Variants in PGS1 observed in about 807,000 individuals in gnomAD.
The protein encoded by PGS1 is CDP-diacylglycerol--glycerol-3-phosphate 3-phosphatidyltransferase, mitochondrial.
Under a neutral mutation model 58.3 loss-of-function variants are expected in PGS1, and 44 were observed. The observed-to-expected ratio is 0.75, with a 90% CI of 0.59 to 0.97. PGS1 has a LOEUF of 0.97. Ranked by LOEUF, PGS1 falls within the 50% of genes least tolerant of loss-of-function variation. The probability of loss-of-function intolerance (pLI) is 0.00; values close to 1 mark genes in which losing one functional copy is unlikely to be tolerated. For synonymous variants in PGS1, 330 were observed against 311.0 expected, an observed-to-expected ratio of 1.06 and a Z score of -0.64; for missense variants, 684 against 731.1, an observed-to-expected ratio of 0.94 and a Z score of 0.74.
At chr17:78,379,186 G>A (rs901362568) in intron 1 of PGS1, among the ~76,000 whole-genome samples, 1 of 152,202 alleles carries the variant, frequency 6.6e-6, no homozygotes, top group African/African-American at 2.4e-5. Flanking sequence ...TTTATATCAT[G>A]GTTTCGGCCC....
At chr17:78,388,937 A>C (rs1007786562) in intron 1 of PGS1, among the ~76,000 whole-genome samples, 3 of 150,394 alleles carry the variant, frequency 2.0e-5, no homozygotes, top group African/African-American at 7.4e-5. Context: ...CTTCATTTGT[A>C]CCCTCCATGG....
At chr17:78,402,358 C>T (rs1247222145) in intron 6 of PGS1, among the ~76,000 whole-genome samples, 1 of 152,038 alleles carries the variant, frequency 6.6e-6, no homozygotes, top group Non-Finnish European at 1.5e-5. Context: ...AGTTGATATT[C>T]TCCATTTTTG....
intron 7 of PGS1, among the ~76,000 whole-genome samples, chr17:78,414,292 G>A (rs116503900): frequency 1.6e-3 from 240 of 152,330 alleles, no homozygotes; most frequent in African/African-American, 5.5e-3. Flanking sequence ...GCCACCCCGC[G>A]TGACAACCCC....
Position 78,399,484 on chromosome 17 carries a change from C to T in PGS1, c.648C>T (p.Ile216=), listed in dbSNP as rs553460700. The T allele has an allele frequency of 9.3e-6, 15 of 1,614,196 alleles. No homozygotes were observed. The South Asian group carries it at 9.9e-5, about 11-fold the overall frequency. Residue 216 remains isoleucine, a synonymous_variant, in exon 5 of 10, where the codon ATC becomes ATT. Coordinates refer to ENST00000262764, the MANE Select transcript of PGS1 (RefSeq NM_024419.5). ...LLIPERFNET[I]GLQHIKVYLF... is the part of the protein sequence containing the mutation. ...TCCCTGAGCGCTTCAACGAGACCAT[C>T]GGCCTCCAGCACATTAAGGTGTACC...
intron 2 of PGS1, among the ~76,000 whole-genome samples, chr17:78,394,010 C>G (rs2083025768): frequency 6.6e-6 from 1 of 151,550 alleles, no homozygotes; most frequent in Non-Finnish European, 1.5e-5. Flanking sequence ...GTGGTGAAAC[C>G]CTGTCTCTAC....
chr17:78,399,677 C>T, intron 5 of PGS1, 140 bp downstream of exon 5: 1 of 744,752 alleles, frequency 1.3e-6, no homozygotes, highest in Non-Finnish European at 2.2e-6. Flanking sequence ...CCCGCGGCAC[C>T]TCCCCGACAC....
chr17:78,423,548 A>AGG lies in PGS1; in HGVS notation c.*11-513_*11-512insGG, dbSNP rs1401334429. Reference sequence around the variant, plus strand: ...TCACCCCACATGCTGCTCCTGTTAAAAGCAAACTCCACTGACCCCCCCGGG... The same window carrying AGG: ...TCACCCCACATGCTGCTCCTGTTAAAGGAGCAAACTCCACTGACCCCCCCGGG... On this transcript the variant is annotated intron_variant, in intron 9 of 9. Transcript: ENST00000262764. 22 of 279,190 alleles carry AGG rather than the reference A, an allele frequency of 7.9e-5. No homozygotes were observed. The East Asian group carries it at 1.2e-3, about 15-fold the overall frequency. 17.3% of individuals were successfully genotyped at this position (279,190 alleles called of 1,614,324 possible).
chr17:78,393,298 G>A (rs933126504), intron 2 of PGS1, among the ~76,000 whole-genome samples: 2 of 152,134 alleles, frequency 1.3e-5, no homozygotes, highest in Admixed American at 6.6e-5. Context: ...CTGACCTCGT[G>A]ATCCACCCGC....
At chr17:78,393,765 C>T (rs190621012) in intron 2 of PGS1, among the ~76,000 whole-genome samples, 92 of 152,272 alleles carry the variant, frequency 6.0e-4, no homozygotes, top group African/African-American at 2.1e-3. Context: ...CAGCTTTCAA[C>T]ATGTTACTCA....
chr17:78,390,872 CCAGAAATGGT>C (rs2146123532), intron 1 of PGS1, among the ~76,000 whole-genome samples: 1 of 152,256 alleles, frequency 6.6e-6, no homozygotes, highest in African/African-American at 2.4e-5. Flanking sequence ...CTAACACTGG[CCAGAAATGGT>C]GTGTGACCCC....
At chr17:78,381,848 C>T (rs900142538) in intron 1 of PGS1, among the ~76,000 whole-genome samples, 2 of 152,172 alleles carry the variant, frequency 1.3e-5, no homozygotes, top group African/African-American at 4.8e-5. Context: ...TCCTCTTAAG[C>T]TAGCATCTGA....
At chr17:78,382,242 G>A (rs2082083580) in intron 1 of PGS1, among the ~76,000 whole-genome samples, 1 of 152,182 alleles carries the variant, frequency 6.6e-6, no homozygotes, top group Admixed American at 6.5e-5. Flanking sequence ...GATGGAGGGA[G>A]GGAAGAAGAG....
chr17:78,420,291 A>C (rs188934683), intron 9 of PGS1: 53 of 923,368 alleles, frequency 5.7e-5, no homozygotes, highest in Non-Finnish European at 6.6e-5. Context: ...CCGCTTCACC[A>C]GAGGCACCAG....
rs1567955367 is a variant in PGS1 at position 78,394,173 on chromosome 17, C to CAAAAAAAA, written c.333+1527_333+1534dup. Among the ~76,000 whole-genome samples, 6 of 38,510 alleles carry CAAAAAAAA rather than the reference C, an allele frequency of 1.6e-4. 2 individuals are homozygous for CAAAAAAAA. The highest frequency in any genetic ancestry group is 2.3e-4 in the Non-Finnish European group (4 of 17,240). The allele number at this position is 38,510 out of a possible 152,430, so 25.3% of individuals were successfully genotyped here. ...GGCAACAGAGCGAGACTCTATCTCC[C>CAAAAAAAA]AAAAAAAAAAAAAAAAAAAAAAAAA... is the stretch of plus-strand genomic sequence containing the variant. On this transcript the variant is annotated intron_variant, in intron 2 of 9. Transcript: ENST00000262764.
At chr17:78,392,084 G>C (rs2082876940) in intron 1 of PGS1, among the ~76,000 whole-genome samples, 1 of 152,198 alleles carries the variant, frequency 6.6e-6, no homozygotes, top group African/African-American at 2.4e-5. Flanking sequence ...GTGGCTGCAG[G>C]CAAATATTTT....
At chr17:78,416,415 C>T (rs189441242) in intron 8 of PGS1, among the ~76,000 whole-genome samples, 1 of 152,324 alleles carries the variant, frequency 6.6e-6, no homozygotes, top group East Asian at 1.9e-4. Flanking sequence ...TGTGCCAGGG[C>T]GGTAGAGAGT....
At chr17:78,413,718 G>T (rs545851769) in intron 7 of PGS1, among the ~76,000 whole-genome samples, 1 of 152,352 alleles carries the variant, frequency 6.6e-6, no homozygotes, top group Non-Finnish European at 1.5e-5. Context: ...CAGGCAGCAC[G>T]TGTCCTTGGG....
intron 2 of PGS1, among the ~76,000 whole-genome samples, chr17:78,393,282 G>A (rs1476787854): frequency 6.6e-6 from 1 of 151,384 alleles, no homozygotes; most frequent in Non-Finnish European, 1.5e-5. Context: ...GGATGGTCTC[G>A]ATCTCCTGAC....
At chr17:78,379,928 G>A (rs1032894950) in intron 1 of PGS1, among the ~76,000 whole-genome samples, 1 of 149,602 alleles carries the variant, frequency 6.7e-6, no homozygotes, top group Non-Finnish European at 1.5e-5. Flanking sequence ...GTGCAATGGC[G>A]CAATCTTGGC....
Sources: allele counts gnomAD v4.1 joint callset (sites outside exome capture counted in the v4.1 genomes callset), GRCh38; gene constraint gnomAD v4.1.1; transcripts MANE v1.5; gene names NCBI Gene and HGNC (gene_info 2026-07-23, HGNC 2026-07-21).